SHISA9: variants seen among roughly 807,000 people sequenced by gnomAD.
SHISA9 encodes protein shisa-9.
SHISA9 carries 13 observed loss-of-function variants against 38.0 expected under a neutral mutation model. The observed-to-expected ratio is 0.34, with a 90% CI of 0.22 to 0.54. The LOEUF is 0.54. Among genes scored for constraint, SHISA9 ranks in the 20% least tolerant of loss-of-function variants. The probability of loss-of-function intolerance (pLI) is 0.91; values close to 1 mark genes in which losing one functional copy is unlikely to be tolerated. For synonymous variants in SHISA9, 275 were observed against 242.0 expected, an observed-to-expected ratio of 1.14 and a Z score of -1.27; for missense variants, 538 against 575.8, an observed-to-expected ratio of 0.93 and a Z score of 0.67.
At chr16:13,171,704 G>A (rs1434497549) in intron 2 of SHISA9, among the ~76,000 whole-genome samples, 1 of 152,050 alleles carries the variant, frequency 6.6e-6, no homozygotes, top group African/African-American at 2.4e-5. Context: ...GACATGGCAC[G>A]AGGCTGGAGG....
chr16:13,560,193 G>C, the SHISA9 span, among the ~76,000 whole-genome samples: 1 of 152,130 alleles, frequency 6.6e-6, no homozygotes, highest in African/African-American at 2.4e-5. Context: ...ACTGTGTACA[G>C]GAGTCTAAGG....
intron 2 of SHISA9, among the ~76,000 whole-genome samples, chr16:13,044,345 C>T (rs894384865): frequency 6.6e-6 from 1 of 152,204 alleles, no homozygotes; most frequent in Non-Finnish European, 1.5e-5. Context: ...AGTTTGGGTT[C>T]CAGCCCCGCC....
chr16:13,409,633 AT>A, the SHISA9 span, among the ~76,000 whole-genome samples: 1 of 152,190 alleles, frequency 6.6e-6, no homozygotes, highest in Non-Finnish European at 1.5e-5. Context: ...CATGGAAATA[AT>A]TGAGAATCAC....
intron 2 of SHISA9, among the ~76,000 whole-genome samples, chr16:12,935,064 C>T (rs78961592): frequency 0.029 from 4,399 of 152,212 alleles, 187 homozygotes; most frequent in African/African-American, 0.099. Flanking sequence ...TTAAACTTGA[C>T]GGTCTGATTG....
chr16:13,329,170 C>A, the SHISA9 span, among the ~76,000 whole-genome samples: 1 of 152,140 alleles, frequency 6.6e-6, no homozygotes, highest in Non-Finnish European at 1.5e-5. Context: ...CTTCCCTGCT[C>A]GCTAAGTAAA....
At chr16:12,916,647 T>C in intron 1 of SHISA9, 41 bp from the exon 2 acceptor site, 2 of 1,538,218 alleles carry the variant, frequency 1.3e-6, no homozygotes, top group Non-Finnish European at 8.8e-7. Flanking sequence ...TGCCAGTCAT[T>C]GTGTTTTGAA....
chr16:13,381,435 A>G, the SHISA9 span, among the ~76,000 whole-genome samples: 2 of 152,244 alleles, frequency 1.3e-5, no homozygotes, highest in Non-Finnish European at 2.9e-5. Context: ...TCTCAACTCC[A>G]GGAAAAGCAT....
downstream of SHISA9, among the ~76,000 whole-genome samples, chr16:13,244,565 A>C (rs1028413312): frequency 2.0e-5 from 3 of 152,340 alleles, no homozygotes; most frequent in Admixed American, 6.5e-5. Flanking sequence ...ACATACATAC[A>C]TAAAATACAC....
At chr16:13,558,388 T>C in the SHISA9 span, among the ~76,000 whole-genome samples, 1 of 152,204 alleles carries the variant, frequency 6.6e-6, no homozygotes, top group Non-Finnish European at 1.5e-5. Context: ...AGTCACTTCT[T>C]GTTATTTTCA....
At chr16:13,516,817 G>T in the SHISA9 span, among the ~76,000 whole-genome samples, 1 of 150,720 alleles carries the variant, frequency 6.6e-6, no homozygotes. Flanking sequence ...AAAAATTACA[G>T]GGAAGGAGAG....
intron 4 of SHISA9, among the ~76,000 whole-genome samples, chr16:13,230,369 T>C (rs1444886247): frequency 6.6e-6 from 1 of 152,064 alleles, no homozygotes; most frequent in Non-Finnish European, 1.5e-5. Context: ...AGGAGAACAA[T>C]GTTCAAAGGG....
intron 2 of SHISA9, among the ~76,000 whole-genome samples, chr16:12,942,980 G>A (rs146850678): frequency 6.6e-6 from 1 of 152,166 alleles, no homozygotes; most frequent in East Asian, 1.9e-4. Flanking sequence ...TTTCAGACAG[G>A]CTCTTTCCCT....
rs1378548180 is a variant in SHISA9, at chr16:13,235,888, G to C, written c.*479G>C. Reference sequence around the variant, plus strand: ...GGGTAGAGAATGAGGGAGGACACAAGAGAAGAGTGTATTCTGGAAGAGGAG... The same window carrying C: ...GGGTAGAGAATGAGGGAGGACACAACAGAAGAGTGTATTCTGGAAGAGGAG... On this transcript the variant is annotated 3_prime_UTR_variant, in exon 5 of 5. Coordinates refer to ENST00000558583, the MANE Select transcript of SHISA9 (RefSeq NM_001145204.3). 1.9e-5 allele frequency: 3 copies of C among 155,618 alleles called. No individual in the cohort carries two copies. The highest frequency in any genetic ancestry group is 4.3e-5 in the Non-Finnish European group (3 of 70,442). 9.6% of individuals were successfully genotyped at this position (155,618 alleles called of 1,614,324 possible).
the SHISA9 span, among the ~76,000 whole-genome samples, chr16:13,490,144 T>A: frequency 1.3e-5 from 2 of 151,824 alleles, no homozygotes; most frequent in Non-Finnish European, 2.9e-5. Flanking sequence ...TTTGTGAAGA[T>A]AAAGAGGCAA....
At chr16:13,502,073 G>T in the SHISA9 span, among the ~76,000 whole-genome samples, 1 of 152,000 alleles carries the variant, frequency 6.6e-6, no homozygotes, top group African/African-American at 2.4e-5. Context: ...TGGAAGGATG[G>T]ATATATAGAT....
At chr16:12,934,189 C>T (rs1443335430) in intron 2 of SHISA9, among the ~76,000 whole-genome samples, 2 of 152,130 alleles carry the variant, frequency 1.3e-5, no homozygotes, top group African/African-American at 4.8e-5. Flanking sequence ...AAATGCTATT[C>T]AGAAAAAGGA....
At chr16:13,046,686 G>A (rs886778263) in intron 2 of SHISA9, among the ~76,000 whole-genome samples, 1 of 152,168 alleles carries the variant, frequency 6.6e-6, no homozygotes, top group Non-Finnish European at 1.5e-5. Flanking sequence ...ATAGTCCCCT[G>A]TATGATTGGG....
chr16:12,950,928 T>A lies in SHISA9; in HGVS notation c.691+34113T>A, dbSNP rs528341534. ...CGGCCCTTTTAATTTTTTTTTTTTT[T>A]TAAATGTGGCTACTTGAAAAGTTGA... is the stretch of plus-strand genomic sequence containing the variant. On this transcript the variant is annotated intron_variant, in intron 2 of 4. Transcript: ENST00000558583. Among the ~76,000 whole-genome samples, 336 of 140,676 alleles carry A rather than the reference T, an allele frequency of 2.4e-3. 2 individuals are homozygous for A. Among genetic ancestry groups the A allele is most frequent in the African/African-American group, 7.9e-3 (312 of 39,674 alleles). 92.3% of individuals were successfully genotyped at this position (140,676 alleles called of 152,430 possible).
chr16:13,171,939 T>G (rs1596700368), intron 2 of SHISA9, among the ~76,000 whole-genome samples: 1 of 152,184 alleles, frequency 6.6e-6, no homozygotes, highest in East Asian at 1.9e-4. Flanking sequence ...TTACTTCTAG[T>G]TTTACAGTAG....
Sources: allele counts gnomAD v4.1 joint callset (sites outside exome capture counted in the v4.1 genomes callset), GRCh38; gene constraint gnomAD v4.1.1; transcripts MANE v1.5; gene names NCBI Gene and HGNC (gene_info 2026-07-23, HGNC 2026-07-21).